GPM6A: variants seen among roughly 807,000 people sequenced by gnomAD.
GPM6A encodes glycoprotein M6A.
A neutral mutation model predicts 32.1 loss-of-function variants in GPM6A; 7 were observed. That is an observed-to-expected ratio of 0.22 (90% CI 0.12 to 0.41). The LOEUF (loss-of-function observed/expected upper bound fraction) is 0.41, where lower values mean the gene tolerates loss of function less well. Ranked by LOEUF, GPM6A falls within the 10% of genes least tolerant of loss-of-function variation. The pLI is 1.00. For synonymous variants in GPM6A, 130 were observed against 123.4 expected, an observed-to-expected ratio of 1.05 and a Z score of -0.35; for missense variants, 235 against 347.2, an observed-to-expected ratio of 0.68 and a Z score of 2.57.
rs556673801 is a variant in GPM6A, at chr4:175,818,633, T to C, written c.-22-6384A>G. ...GAATGACTGAATAAACGAATAATGA[T>C]GTACAAATAAATGAATGAACAAACT... On this transcript the variant is annotated intron_variant, in intron 1 of 7. Coordinates refer to the GPM6A transcript ENST00000280187. Among the ~76,000 whole-genome samples, 4 of 152,354 alleles carry C rather than the reference T, an allele frequency of 2.6e-5. No homozygotes were observed. The East Asian group carries it at 7.7e-4, about 29-fold the overall frequency.
intron 1 of GPM6A, among the ~76,000 whole-genome samples, chr4:175,768,649 A>G (rs1048609314): frequency 1.3e-4 from 20 of 152,128 alleles, no homozygotes; most frequent in African/African-American, 4.6e-4. Flanking sequence ...TTATAAGAGT[A>G]GTTTATGCAT....
chr4:175,993,523 C>A (rs185363394), intron 1 of GPM6A, among the ~76,000 whole-genome samples: 1 of 152,160 alleles, frequency 6.6e-6, no homozygotes, highest in African/African-American at 2.4e-5. Context: ...CTCCCTCCCA[C>A]AACTGTTTTC....
intron 1 of GPM6A, among the ~76,000 whole-genome samples, chr4:175,861,876 A>G (rs1736585958): frequency 6.6e-6 from 1 of 151,876 alleles, no homozygotes; most frequent in Non-Finnish European, 1.5e-5. Flanking sequence ...ATAATGTATT[A>G]TATCTTCTAT....
chr4:175,637,371 A>T (rs1362808586), intron 6 of GPM6A, among the ~76,000 whole-genome samples: 19 of 73,156 alleles, frequency 2.6e-4, no homozygotes, highest in African/African-American at 1.1e-3. Flanking sequence ...TATAACATAT[A>T]ATATATTATA....
At chr4:175,875,712 T>G (rs1229833205) in intron 1 of GPM6A, among the ~76,000 whole-genome samples, 1 of 152,198 alleles carries the variant, frequency 6.6e-6, no homozygotes, top group Non-Finnish European at 1.5e-5. Context: ...ATTTTCATGT[T>G]GCTTATAACA....
At chr4:175,982,826 G>A (rs185919453) in intron 1 of GPM6A, among the ~76,000 whole-genome samples, 51 of 152,202 alleles carry the variant, frequency 3.4e-4, no homozygotes, top group African/African-American at 1.2e-3. Context: ...GGTTTAGAGA[G>A]AATTGACAAT....
At chr4:175,756,190 G>T (rs931059179) in intron 1 of GPM6A, among the ~76,000 whole-genome samples, 6 of 152,016 alleles carry the variant, frequency 3.9e-5, no homozygotes, top group African/African-American at 1.2e-4. Context: ...AGAGAGTAGG[G>T]TTATGTTGCA....
chr4:175,871,067 T>A (rs1736890575), intron 1 of GPM6A, among the ~76,000 whole-genome samples: 1 of 152,020 alleles, frequency 6.6e-6, no homozygotes, highest in Non-Finnish European at 1.5e-5. Flanking sequence ...TTTATTTGTA[T>A]GCTAGAGTAT....
chr4:175,916,913 T>A (rs1197532757), intron 1 of GPM6A, among the ~76,000 whole-genome samples: 1 of 152,168 alleles, frequency 6.6e-6, no homozygotes, highest in Non-Finnish European at 1.5e-5. Flanking sequence ...ATTATTCACA[T>A]AAAAGAGAAT....
intron 1 of GPM6A, among the ~76,000 whole-genome samples, chr4:175,849,925 G>C (rs1052333620): frequency 6.6e-6 from 1 of 152,076 alleles, no homozygotes. Flanking sequence ...GAAATAATGG[G>C]GAGTATTCTG....
intron 1 of GPM6A, among the ~76,000 whole-genome samples, chr4:175,798,123 C>T (rs944021149): frequency 6.6e-6 from 1 of 152,120 alleles, no homozygotes. Context: ...AATATGGTAC[C>T]GCTATACTTG....
At chr4:175,848,744 G>T (rs1736164054) in intron 1 of GPM6A, among the ~76,000 whole-genome samples, 2 of 151,714 alleles carry the variant, frequency 1.3e-5, no homozygotes, top group South Asian at 4.2e-4. Flanking sequence ...CATCATTCTT[G>T]ACACATGTTT....
intron 1 of GPM6A, among the ~76,000 whole-genome samples, chr4:175,892,776 C>T: frequency 1.3e-5 from 2 of 152,224 alleles, no homozygotes; most frequent in East Asian, 3.9e-4. Flanking sequence ...ACTAGGTGAA[C>T]TTCAACTACT....
At chr4:175,656,846 T>C (rs868549556) in intron 3 of GPM6A, among the ~76,000 whole-genome samples, 5 of 152,106 alleles carry the variant, frequency 3.3e-5, no homozygotes, top group South Asian at 2.1e-4. Flanking sequence ...CAGCTGACTC[T>C]GATTGCACAA....
chr4:175,970,788 T>A (rs1740476897), intron 1 of GPM6A: 1 of 430,828 alleles, frequency 2.3e-6, no homozygotes, highest in Non-Finnish European at 4.6e-6. Flanking sequence ...AAAGCAAGAT[T>A]TTATTTTTCT....
intron 1 of GPM6A, among the ~76,000 whole-genome samples, chr4:175,805,321 T>C (rs1391299420): frequency 6.6e-6 from 1 of 152,194 alleles, no homozygotes; most frequent in Admixed American, 6.5e-5. Context: ...AAATAACCTT[T>C]CTAATGGGGA....
At chr4:175,954,025 C>T (rs1305604684) in intron 1 of GPM6A, among the ~76,000 whole-genome samples, 1 of 152,180 alleles carries the variant, frequency 6.6e-6, no homozygotes, top group East Asian at 1.9e-4. Context: ...GCACTGATCA[C>T]TGGGTGATAG....
chr4:175,965,962 A>G (rs1309220357), intron 1 of GPM6A, among the ~76,000 whole-genome samples: 1 of 152,194 alleles, frequency 6.6e-6, no homozygotes, highest in African/African-American at 2.4e-5. Context: ...CTAACAAGGG[A>G]ATATTACAAA....
chr4:175,637,637 T>TATATAAAATATAAAATATATA (rs1740822384), intron 6 of GPM6A, among the ~76,000 whole-genome samples: 2 of 766 alleles, frequency 2.6e-3, no homozygotes, highest in South Asian at 0.071. Context: ...ATATATATAT[T>TATATAAAATATAAAATATATA]ATATATTATA....
Sources: allele counts gnomAD v4.1 joint callset (sites outside exome capture counted in the v4.1 genomes callset), GRCh38; gene constraint gnomAD v4.1.1; transcripts MANE v1.5; gene names NCBI Gene and HGNC (gene_info 2026-07-23, HGNC 2026-07-21).